Variants in CDH12 observed in about 807,000 individuals in gnomAD.
CDH12 encodes cadherin-12.
In CDH12, 41 loss-of-function variants were observed where a neutral mutation model predicts 74.1. The ratio of observed to expected loss-of-function variants is 0.55; its 90% CI spans 0.43 to 0.72. CDH12 has a LOEUF of 0.72. Among genes scored for constraint, CDH12 ranks in the 30% least tolerant of loss-of-function variants. The probability of loss-of-function intolerance (pLI) is 0.00; values close to 1 mark genes in which losing one functional copy is unlikely to be tolerated. For missense variants in CDH12, 945 were observed against 977.2 expected (o/e 0.97, Z 0.44); for synonymous variants, 399 against 355.0 (o/e 1.12, Z -1.39).
chr5:22,124,350 G>C (rs1049236818), intron 4 of CDH12, among the ~76,000 whole-genome samples: 1 of 151,878 alleles, frequency 6.6e-6, no homozygotes, highest in African/African-American at 2.4e-5. Context: ...GTCTCAAAGT[G>C]CTGATCTCAG....
At chr5:22,195,845 GT>G (rs1750585487) in intron 4 of CDH12, among the ~76,000 whole-genome samples, 1 of 151,990 alleles carries the variant, frequency 6.6e-6, no homozygotes, top group South Asian at 2.1e-4. Flanking sequence ...TAAAAGCCTG[GT>G]GTGAAAAACT....
In CDH12 at chr5:22,262,350, T is replaced by C. The variant is rs1463215140; in HGVS notation, c.-332-49707A>G. 2.0e-5 allele frequency among the ~76,000 whole-genome samples: 3 copies of C among 148,696 alleles called. No individual in the cohort carries two copies. In the South Asian group the frequency reaches 6.4e-4, roughly 32 times the overall value. On this transcript the variant is annotated intron_variant, in intron 3 of 14. Transcript: ENST00000382254. ...GATCTCATTGTTCAATTCCCACCTA[T>C]GAGTGAGAATATGAGGTGTTTGGTT...
At chr5:21,949,072 T>C (rs1755707568) in intron 6 of CDH12, among the ~76,000 whole-genome samples, 1 of 152,216 alleles carries the variant, frequency 6.6e-6, no homozygotes, top group Non-Finnish European at 1.5e-5. Context: ...AGTGTCTTTA[T>C]AGTAGTGTGA....
chr5:22,699,181 CA>C (rs1290069454), intron 1 of CDH12, among the ~76,000 whole-genome samples: 2 of 152,110 alleles, frequency 1.3e-5, no homozygotes, highest in Non-Finnish European at 2.9e-5. Flanking sequence ...TTCTTTAACA[CA>C]AAAGGGTTCT....
intron 1 of CDH12, among the ~76,000 whole-genome samples, chr5:22,598,915 G>C (rs2126809464): frequency 6.6e-6 from 1 of 152,180 alleles, no homozygotes; most frequent in Non-Finnish European, 1.5e-5. Flanking sequence ...CATGTGCACA[G>C]CTGGAAGTCA....
intron 3 of CDH12, among the ~76,000 whole-genome samples, chr5:22,356,880 T>C (rs1580559050): frequency 1.3e-5 from 2 of 152,204 alleles, no homozygotes; most frequent in South Asian, 4.1e-4. Context: ...AAGTTTGCTA[T>C]GGAGAAAAAT....
intron 4 of CDH12, among the ~76,000 whole-genome samples, chr5:22,111,437 A>G (rs1185128901): frequency 1.3e-5 from 2 of 152,182 alleles, no homozygotes; most frequent in Non-Finnish European, 2.9e-5. Context: ...TCATAAATCT[A>G]GGAACGTTCT....
At chr5:22,428,763 T>G (rs1243912895) in intron 2 of CDH12, among the ~76,000 whole-genome samples, 1 of 152,178 alleles carries the variant, frequency 6.6e-6, no homozygotes, top group African/African-American at 2.4e-5. Flanking sequence ...GTCGTCAATC[T>G]ACCTTGAGTG....
At position 22,441,706 on chromosome 5, in the gene CDH12, A is replaced by G. The variant is rs1580653611; in HGVS notation, c.-427-36355T>C. On this transcript the variant is annotated intron_variant, in intron 2 of 14. Transcript: ENST00000382254. ...TAGATATATTATTTGTTTTGTTAAT[A>G]TTATTATTTATTTTTTTCAAGACAG... Among the ~76,000 whole-genome samples, 4 of 152,048 alleles carry G rather than the reference A, an allele frequency of 2.6e-5. No individual in the cohort carries two copies. The East Asian group carries it at 7.7e-4, about 29-fold the overall frequency.
chr5:22,424,415 C>T (rs373360164), intron 2 of CDH12, among the ~76,000 whole-genome samples: 3 of 152,118 alleles, frequency 2.0e-5, no homozygotes, highest in Non-Finnish European at 4.4e-5. Context: ...GCTATATGGC[C>T]CAGTTACCCC....
chr5:22,610,454 T>C (rs916137296), intron 1 of CDH12, among the ~76,000 whole-genome samples: 2 of 152,176 alleles, frequency 1.3e-5, no homozygotes, highest in African/African-American at 4.8e-5. Context: ...TATTAGATTC[T>C]GCAGATGTAG....
intron 4 of CDH12, chr5:22,151,995 A>T (rs1747618555): frequency 6.6e-6 from 1 of 152,094 alleles, no homozygotes; most frequent in South Asian, 2.1e-4. Flanking sequence ...CTCGGGGGAA[A>T]GGTAAGCACA....
chr5:22,033,912 T>C (rs760668623), intron 5 of CDH12, among the ~76,000 whole-genome samples: 1 of 152,226 alleles, frequency 6.6e-6, no homozygotes, highest in Non-Finnish European at 1.5e-5. Context: ...CTTTGGTTAA[T>C]AACACTATTC....
chr5:22,052,647 T>C (rs761068283), intron 5 of CDH12, among the ~76,000 whole-genome samples: 32 of 152,318 alleles, frequency 2.1e-4, no homozygotes, highest in South Asian at 2.1e-4. Flanking sequence ...CAACAAATTG[T>C]ATTAAAAACT....
chr5:22,412,269 C>T (rs1743197530), intron 2 of CDH12, among the ~76,000 whole-genome samples: 1 of 151,888 alleles, frequency 6.6e-6, no homozygotes, highest in Admixed American at 6.6e-5. Flanking sequence ...CATGATATTA[C>T]TATAAAAACA....
intron 6 of CDH12, among the ~76,000 whole-genome samples, chr5:21,856,005 A>G (rs1750736492): frequency 6.6e-6 from 1 of 151,738 alleles, no homozygotes; most frequent in Admixed American, 6.6e-5. Context: ...ATATTAACAG[A>G]GGAAAAATAT....
chr5:22,245,498 C>T (rs970068313), intron 3 of CDH12, among the ~76,000 whole-genome samples: 2 of 151,618 alleles, frequency 1.3e-5, no homozygotes, highest in African/African-American at 2.4e-5. Flanking sequence ...GCGATAGATG[C>T]TAAATATAGC....
intron 4 of CDH12, among the ~76,000 whole-genome samples, chr5:22,121,474 G>A (rs539992216): frequency 4.6e-5 from 7 of 152,246 alleles, no homozygotes; most frequent in East Asian, 1.9e-4. Flanking sequence ...TGCCTAATAC[G>A]TCATGAATGA....
At chr5:22,141,356 A>G (rs1444769608) in intron 4 of CDH12, 1 of 152,214 alleles carries the variant, frequency 6.6e-6, no homozygotes, top group Non-Finnish European at 1.5e-5. Context: ...GTCTCGTGAG[A>G]GAGGTGAGTG....
Sources: gnomAD v4.1 joint callset for allele counts (sites outside exome capture counted in the v4.1 genomes callset) on GRCh38, gnomAD v4.1.1 for gene constraint, MANE v1.5 for transcripts, NCBI Gene and HGNC (gene_info 2026-07-23, HGNC 2026-07-21) for gene names.